SLC24A2: variants seen among roughly 807,000 people sequenced by gnomAD.
The protein encoded by SLC24A2 is sodium/potassium/calcium exchanger 2.
SLC24A2 carries 36 observed loss-of-function variants against 62.0 expected under a neutral mutation model. The observed-to-expected ratio is 0.58, with a 90% CI of 0.44 to 0.77. The LOEUF (loss-of-function observed/expected upper bound fraction) is 0.77. Among genes scored for constraint, SLC24A2 ranks in the 30% least tolerant of loss-of-function variants. The pLI is 0.00. For synonymous variants in SLC24A2, 358 were observed against 294.0 expected (o/e 1.22, Z -2.23); for missense variants, 846 against 817.9 (o/e 1.03, Z -0.42).
the SLC24A2 span, among the ~76,000 whole-genome samples, chr9:19,837,963 G>T: frequency 6.6e-6 from 1 of 151,784 alleles, no homozygotes; most frequent in Non-Finnish European, 1.5e-5. Flanking sequence ...TGGGTAGGAA[G>T]AATCAATATC....
At chr9:19,761,901 T>C (rs1228596569) in intron 2 of SLC24A2, among the ~76,000 whole-genome samples, 1 of 152,212 alleles carries the variant, frequency 6.6e-6, no homozygotes, top group East Asian at 1.9e-4. Flanking sequence ...TTTGGGTTGG[T>C]TCCAAGTCTT....
intron 5 of SLC24A2, among the ~76,000 whole-genome samples, chr9:19,589,119 T>C (rs1457804406): frequency 1.3e-5 from 2 of 152,234 alleles, no homozygotes; most frequent in Non-Finnish European, 2.9e-5. Context: ...TTATTTTATA[T>C]GTATATGTCT....
the SLC24A2 span, among the ~76,000 whole-genome samples, chr9:19,801,538 G>T: frequency 6.6e-6 from 1 of 152,216 alleles, no homozygotes; most frequent in Non-Finnish European, 1.5e-5. Context: ...CCATACAAAG[G>T]GAGGGGAACC....
rs1249738740 is a variant in SLC24A2 at position 19,510,561 on chromosome 9, C to A, written c.*5592G>T. 2 of 151,964 alleles carry A rather than the reference C, an allele frequency of 1.3e-5. No individual in the cohort carries two copies. The highest frequency in any genetic ancestry group is 1.9e-4 in the East Asian group (1 of 5,150). The allele number at this position is 151,964 out of a possible 1,614,324, so 9.4% of individuals were successfully genotyped here. A position where few individuals can be genotyped will look rare whatever the true frequency, so the allele number is the denominator to read the frequency against. ...GAGCTGGGTCACACCAGCATCTATG[C>A]TGGGATCTCCCCCGTAAGAGGACTG... On this transcript the variant is annotated 3_prime_UTR_variant, in exon 11 of 11. Coordinates refer to ENST00000341998, the MANE Select transcript of SLC24A2 (RefSeq NM_020344.4).
chr9:19,990,922 G>GATATATATATGTGTATATATAT, the SLC24A2 span, among the ~76,000 whole-genome samples: 21,785 of 120,378 alleles, frequency 0.18, 2,515 homozygotes, highest in African/African-American at 0.23. Context: ...GGACTAATAG[G>GATATATATATGTGTATATATAT]ATATATATAT....
At chr9:20,103,514 G>T in the SLC24A2 span, among the ~76,000 whole-genome samples, 1 of 152,182 alleles carries the variant, frequency 6.6e-6, no homozygotes, top group Non-Finnish European at 1.5e-5. Flanking sequence ...CCAGAGGAAC[G>T]AGCAGACAAC....
chr9:19,866,637 T>C, the SLC24A2 span, among the ~76,000 whole-genome samples: 1 of 133,728 alleles, frequency 7.5e-6, no homozygotes. Flanking sequence ...TTTTTTTTTT[T>C]TTTTTTTTTT....
At chr9:20,252,316 A>G in the SLC24A2 span, among the ~76,000 whole-genome samples, 3 of 152,214 alleles carry the variant, frequency 2.0e-5, no homozygotes, top group East Asian at 1.9e-4. Context: ...CTTTCTGACA[A>G]ACTTCCCCAA....
chr9:19,883,617 G>A, the SLC24A2 span, among the ~76,000 whole-genome samples: 1 of 150,394 alleles, frequency 6.6e-6, no homozygotes, highest in Non-Finnish European at 1.5e-5. Flanking sequence ...CCAGGCTGAA[G>A]TGCAGTGGTG....
chr9:20,227,852 G>A, the SLC24A2 span, among the ~76,000 whole-genome samples: 3 of 152,096 alleles, frequency 2.0e-5, no homozygotes, highest in African/African-American at 7.2e-5. Context: ...TTCAGAGACT[G>A]GGTAGTCTGA....
the SLC24A2 span, among the ~76,000 whole-genome samples, chr9:20,137,767 G>T: frequency 2.0e-5 from 3 of 152,152 alleles, no homozygotes; most frequent in African/African-American, 7.2e-5. Flanking sequence ...GAGTCAAGGA[G>T]GTTTCCCCCA....
chr9:19,880,537 G>T, the SLC24A2 span, among the ~76,000 whole-genome samples: 1 of 152,204 alleles, frequency 6.6e-6, no homozygotes, highest in South Asian at 2.1e-4. Context: ...AGTTTATAAA[G>T]TCAATGTGAA....
At chr9:19,714,419 T>C (rs1262558626) in intron 2 of SLC24A2, among the ~76,000 whole-genome samples, 5 of 151,888 alleles carry the variant, frequency 3.3e-5, no homozygotes. Flanking sequence ...CAGGGTTATC[T>C]TGATTCTTTA....
At chr9:19,563,978 A>G (rs1345524894) in intron 7 of SLC24A2, among the ~76,000 whole-genome samples, 3 of 151,342 alleles carry the variant, frequency 2.0e-5, no homozygotes, top group Non-Finnish European at 4.4e-5. Flanking sequence ...CTCAGACTCC[A>G]AAGTAGCTAG....
At chr9:19,874,648 G>C in the SLC24A2 span, among the ~76,000 whole-genome samples, 3 of 152,296 alleles carry the variant, frequency 2.0e-5, no homozygotes, top group African/African-American at 7.2e-5. Context: ...CTCTTTGCCA[G>C]ACAAGGACAG....
the SLC24A2 span, among the ~76,000 whole-genome samples, chr9:20,025,492 T>C: frequency 6.6e-6 from 1 of 152,162 alleles, no homozygotes; most frequent in African/African-American, 2.4e-5. Flanking sequence ...GTTTTAGGTA[T>C]TTGGGTGAAC....
At chr9:20,201,916 C>T in the SLC24A2 span, among the ~76,000 whole-genome samples, 6 of 152,002 alleles carry the variant, frequency 3.9e-5, no homozygotes, top group Non-Finnish European at 7.4e-5. Flanking sequence ...CACACATCAG[C>T]AGTTGACTGG....
chr9:20,029,380 T>C, the SLC24A2 span, among the ~76,000 whole-genome samples: 8 of 152,228 alleles, frequency 5.3e-5, no homozygotes, highest in South Asian at 6.2e-4. Context: ...AGGATTTTCA[T>C]GGGCAAGGTG....
chr9:20,138,553 C>T, the SLC24A2 span, among the ~76,000 whole-genome samples: 1 of 152,148 alleles, frequency 6.6e-6, no homozygotes, highest in African/African-American at 2.4e-5. Context: ...TATTTGCAGA[C>T]TATTTGTTCT....
Sources: allele counts gnomAD v4.1 joint callset (sites outside exome capture counted in the v4.1 genomes callset), GRCh38; gene constraint gnomAD v4.1.1; transcripts MANE v1.5; gene names NCBI Gene and HGNC (gene_info 2026-07-23, HGNC 2026-07-21).